DHX16: variants seen among roughly 807,000 people sequenced by gnomAD.
DHX16 encodes the protein DEAH-box helicase 16.
Under a neutral mutation model 131.2 loss-of-function variants are expected in DHX16, and 81 were observed. That is an observed-to-expected ratio of 0.62 (90% CI 0.52 to 0.74). The LOEUF (loss-of-function observed/expected upper bound fraction) is 0.74. DHX16 is among the 30% of genes least tolerant of loss of function. The pLI, the probability that DHX16 is intolerant of heterozygous loss-of-function variation, is 0.00. For missense variants in DHX16, 980 were observed against 1,363.1 expected (o/e 0.72, Z 4.43); for synonymous variants, 440 against 520.2 (o/e 0.85, Z 2.10).
chr6:30,670,909 A>C lies in DHX16; in HGVS notation c.490T>G (p.Trp164Gly), dbSNP rs772822396. The C allele has an allele frequency of 6.2e-7, 1 of 1,612,354 alleles. No individual in the cohort carries two copies. The highest frequency in any genetic ancestry group is 1.1e-5 in the South Asian group (1 of 91,046). Residue 164 changes from tryptophan to glycine, a missense_variant, in exon 3 of 20, where the codon TGG becomes GGG. Trp to Gly is a radical substitution (Grantham distance 184, BLOSUM62 -2). Coordinates refer to ENST00000376442, the MANE Select transcript of DHX16 (RefSeq NM_003587.5). The surrounding 1 kb of genome is among the most constrained non-coding windows in gnomAD (Gnocchi z 4.4). ...AGGCGTTCACGCTCTGTCCGTTCCC[A>C]CTCATCTTCCGACTCTGGCTTCTCT... is the stretch of plus-strand genomic sequence containing the variant. Reference protein sequence around the residue: ...QTEKPESEDEWERTERERLQD... With the variant: ...QTEKPESEDEGERTERERLQD...
At chr6:30,672,048 C>G (rs1406953502) in intron 1 of DHX16, among the ~76,000 whole-genome samples, 2 of 151,838 alleles carry the variant, frequency 1.3e-5, no homozygotes, top group African/African-American at 4.8e-5. Flanking sequence ...TGGTGGCTCA[C>G]GCCTGTAATC....
At position 30,671,294 on chromosome 6, in the gene DHX16, T is replaced by A. The variant is rs773411521; in HGVS notation, c.208-20A>T. 1 of 1,608,764 alleles carries A rather than the reference T, an allele frequency of 6.2e-7. No individual in the cohort carries two copies. The highest frequency in any genetic ancestry group is 2.2e-5 in the East Asian group (1 of 44,870). ...TGGTACCTGTCAGTAGAGGGGAAGA[T>A]AAGGAGGTCTGAGCAACTCCTGATC... On this transcript the variant is annotated intron_variant, in intron 1 of 19. Coordinates refer to ENST00000376442, the MANE Select transcript of DHX16 (RefSeq NM_003587.5).
chr6:30,660,043 A>C lies in DHX16; in HGVS notation c.1744T>G (p.Phe582Val). Residue 582 changes from phenylalanine (F) to valine (V), a missense_variant, in exon 10 of 20, where the codon TTC becomes GTC. This residue lies in a region of DHX16 where 309 missense variants were observed against 537.1 expected (regional missense o/e 0.58). Coordinates refer to ENST00000376442, the MANE Select transcript of DHX16 (RefSeq NM_003587.5). ...CCCTGAGGGGGCACCTTGGTGTAGA[A>C]GATGTCCACAGGAAACCTGCGTCCG... ...IPGRRFPVDI[F>V]YTKAPEADYL... 1 of 1,612,698 alleles carries C rather than the reference A, an allele frequency of 6.2e-7. No homozygotes were observed. Among genetic ancestry groups the C allele is most frequent in the Non-Finnish European group, 8.5e-7 (1 of 1,179,772 alleles).
rs761973470 is a variant in DHX16 at position 30,662,794 on chromosome 6, G to C, written c.1429-52C>G. On this transcript the variant is annotated intron_variant, in intron 8 of 19. Coordinates refer to ENST00000376442, the MANE Select transcript of DHX16 (RefSeq NM_003587.5). The surrounding 1 kb of genome is among the most constrained non-coding windows in gnomAD (Gnocchi z 4.7). Reference sequence around the variant, plus strand: ...AGTGTGGGCTGGTGTGCCCTGAAAGGAACTTGGGGAAAGGTGAAGTGGGGC... The same window carrying C: ...AGTGTGGGCTGGTGTGCCCTGAAAGCAACTTGGGGAAAGGTGAAGTGGGGC... The C allele has an allele frequency of 2.5e-6, 4 of 1,583,798 alleles. No individual in the cohort carries two copies. Among genetic ancestry groups the C allele is most frequent in the Non-Finnish European group, 3.5e-6 (4 of 1,155,270 alleles).
chr6:30,665,269 G>C lies in DHX16; in HGVS notation c.927C>G (p.Ala309=), dbSNP rs765371302. Residue 309 remains alanine, a synonymous_variant, in exon 6 of 20, where the codon GCC becomes GCG. Transcript: ENST00000376442. This position sits in a 1 kb window ranked among gnomAD's most constrained non-coding sequence, Gnocchi z 4.8. ...HMPKETRGQP[A]RAVDLVEEES... ...CCTCCTCCACTAGATCCACAGCTCG[G>C]GCTGGCTACAGAGAGAGGGGATATG... 1.9e-6 allele frequency: 3 copies of C among 1,602,480 alleles called. No individual in the cohort carries two copies. Among genetic ancestry groups the C allele is most frequent in the Non-Finnish European group, 2.5e-6 (3 of 1,179,588 alleles).
At chr6:30,661,826 T>A (rs747197225) in intron 9 of DHX16, 1 of 717,856 alleles carries the variant, frequency 1.4e-6, no homozygotes, top group Non-Finnish European at 2.6e-6. Context: ...AACATCTGCA[T>A]CAGACACTCT....
Position 30,656,914 on chromosome 6 carries a change from A to C in DHX16, c.2148+38T>G, listed in dbSNP as rs763314567. On this transcript the variant is annotated intron_variant, in intron 13 of 19. Coordinates refer to ENST00000376442, the MANE Select transcript of DHX16 (RefSeq NM_003587.5). This position sits in a 1 kb window ranked among gnomAD's most constrained non-coding sequence, Gnocchi z 5.1. ...TGAGTTGGACCTTCTCTGTGGGCCA[A>C]CTCCACCTCCCCCACTCCCATGCAT... is the stretch of plus-strand genomic sequence containing the variant. 11 of 1,596,230 alleles carry C rather than the reference A, an allele frequency of 6.9e-6. No individual in the cohort carries two copies. Among genetic ancestry groups the C allele is most frequent in the African/African-American group, 1.3e-5 (1 of 74,100 alleles).
At chr6:30,672,607 C>CT (rs1562005056) in intron 1 of DHX16, 28 bp downstream of exon 1, 1 of 1,587,586 alleles carries the variant, frequency 6.3e-7, no homozygotes. Flanking sequence ...GGACAAATCA[C>CT]AGGGCCCCTC....
At chr6:30,669,744 T>TAAAAAAAAAAAA (rs953317689) in intron 4 of DHX16, among the ~76,000 whole-genome samples, 2 of 113,818 alleles carry the variant, frequency 1.8e-5, no homozygotes, top group Non-Finnish European at 1.8e-5. Context: ...AAAAAAGGTT[T>TAAAAAAAAAAAA]AAAAAAAAAA....
rs930582953 is a variant in DHX16, at chr6:30,665,441, T to G, written c.921+38A>C. 1 of 1,597,458 alleles carries G rather than the reference T, an allele frequency of 6.3e-7. No individual in the cohort carries two copies. Among genetic ancestry groups the G allele is most frequent in the Non-Finnish European group, 8.5e-7 (1 of 1,170,314 alleles). Reference sequence around the variant, plus strand: ...CTGAAGCCTTCCCCACAACTTGTCTTGGGGACCAAGGCTGAAGCAGACGCC... The same window carrying G: ...CTGAAGCCTTCCCCACAACTTGTCTGGGGGACCAAGGCTGAAGCAGACGCC... On this transcript the variant is annotated intron_variant, in intron 5 of 19. Coordinates refer to ENST00000376442, the MANE Select transcript of DHX16 (RefSeq NM_003587.5). This position sits in a 1 kb window ranked among gnomAD's most constrained non-coding sequence, Gnocchi z 4.8.
Position 30,665,782 on chromosome 6 carries a change from C to A in DHX16, c.667-49G>T. The A allele has an allele frequency of 6.3e-7, 1 of 1,578,228 alleles. No individual in the cohort carries two copies. Among genetic ancestry groups the A allele is most frequent in the Non-Finnish European group, 8.6e-7 (1 of 1,167,532 alleles). ...ATCCTCATCTTGCTGGAGGAGCAAC[C>A]CCTTTCTCTACCAATCCCTACAAGG... On this transcript the variant is annotated intron_variant, in intron 4 of 19. Transcript: ENST00000376442. This position sits in a 1 kb window ranked among gnomAD's most constrained non-coding sequence, Gnocchi z 4.8.
Position 30,662,819 on chromosome 6 carries a change from C to T in DHX16, c.1429-77G>A. 1 of 1,552,890 alleles carries T rather than the reference C, an allele frequency of 6.4e-7. No individual in the cohort carries two copies. The highest frequency in any genetic ancestry group is 1.1e-5 in the South Asian group (1 of 89,638). On this transcript the variant is annotated intron_variant, in intron 8 of 19. Transcript: ENST00000376442. The surrounding 1 kb of genome is among the most constrained non-coding windows in gnomAD (Gnocchi z 4.7). ...GAACTTGGGGAAAGGTGAAGTGGGG[C>T]AGCACCAAGACTTCTGCTGTAGGGA...
At chr6:30,664,661 T>G in intron 7 of DHX16, 140 bp downstream of exon 7, 2 of 742,370 alleles carry the variant, frequency 2.7e-6, no homozygotes, top group Non-Finnish European at 2.1e-6. Flanking sequence ...AAGGGTATGG[T>G]CTTTACTCTC....
At chr6:30,654,291 G>C (rs892219917) in intron 19 of DHX16, among the ~76,000 whole-genome samples, 2 of 151,966 alleles carry the variant, frequency 1.3e-5, no homozygotes, top group East Asian at 3.9e-4. Flanking sequence ...CTTTGGGCTG[G>C]GCATGGTGGC....
Position 30,659,578 on chromosome 6 carries a change from C to T in DHX16, c.1901G>A (p.Arg634His), listed in dbSNP as rs758853504. 4 of 1,613,296 alleles carry T rather than the reference C, an allele frequency of 2.5e-6. No individual in the cohort carries two copies. Among genetic ancestry groups the T allele is most frequent in the Non-Finnish European group, 3.4e-6 (4 of 1,179,970 alleles). ...ACEMLQDRCR[R>H]LGSKIRELLV... ...GAGCTCCCGGATTTTGGAGCCCAGG[C>T]GGCGGCAGCGATCCTGGAGCATCTC... The change falls in exon 12 of 20, where the codon CGC (arginine) becomes CAC (histidine). Residue 634 changes from arginine to histidine, a missense_variant. By Grantham distance (29) the Arg-to-His change is conservative. Transcript: ENST00000376442.
In DHX16 at chr6:30,653,383, A is replaced by G. The variant is rs778801197; in HGVS notation, c.2998-13T>C. 6.9e-6 allele frequency: 11 copies of G among 1,592,142 alleles called. No homozygotes were observed. Among genetic ancestry groups the G allele is most frequent in the South Asian group, 2.3e-5 (2 of 86,842 alleles). ...CAATCTCCAGTACCTAGGAGAGAGAAAAGATCAATGGAGTTCCCTTCTTTC... is the reference window on the plus strand; with the variant it reads ...CAATCTCCAGTACCTAGGAGAGAGAGAAGATCAATGGAGTTCCCTTCTTTC... On this transcript the variant is annotated splice_polypyrimidine_tract_variant and intron_variant, in intron 19 of 19. Transcript: ENST00000376442.
At chr6:30,653,888 G>A (rs1188557442) in intron 19 of DHX16, among the ~76,000 whole-genome samples, 1 of 152,170 alleles carries the variant, frequency 6.6e-6, no homozygotes, top group African/African-American at 2.4e-5. Context: ...TTGGGAGGCC[G>A]TGGCAGGCGG....
Position 30,670,199 on chromosome 6 carries a change from T to C in DHX16, c.666+211A>G, listed in dbSNP as rs1769400350. 6.6e-6 allele frequency among the ~76,000 whole-genome samples: 1 copy of C among 152,084 alleles called. No individual in the cohort carries two copies. The highest frequency in any genetic ancestry group is 2.4e-5 in the African/African-American group (1 of 41,398). ...AGTCAAGGAGGACTTATGGGTAGCC[T>C]CCTTCCCCCTACAACTTAAGAAGGA... On this transcript the variant is annotated intron_variant, in intron 4 of 19. Transcript: ENST00000376442. The surrounding 1 kb of genome is among the most constrained non-coding windows in gnomAD (Gnocchi z 4.4).
Position 30,671,280 on chromosome 6 carries a change from A to G in DHX16, c.208-6T>C, listed in dbSNP as rs762356966. 5 of 1,612,266 alleles carry G rather than the reference A, an allele frequency of 3.1e-6. No individual in the cohort carries two copies. Among genetic ancestry groups the G allele is most frequent in the Non-Finnish European group, 3.4e-6 (4 of 1,179,644 alleles). On this transcript the variant is annotated splice_polypyrimidine_tract_variant and splice_region_variant and intron_variant, in intron 1 of 19. Coordinates refer to ENST00000376442, the MANE Select transcript of DHX16 (RefSeq NM_003587.5). ...ACCACTGCCTTTCGTGGTACCTGTCAGTAGAGGGGAAGATAAGGAGGTCTG... is the reference window on the plus strand; with the variant it reads ...ACCACTGCCTTTCGTGGTACCTGTCGGTAGAGGGGAAGATAAGGAGGTCTG...
Sources: gnomAD v4.1 joint callset for allele counts (sites outside exome capture counted in the v4.1 genomes callset) on GRCh38, gnomAD v4.1.1 for gene constraint, gnomAD v4.1.1 regional missense constraint, Gnocchi (gnomAD v3.1) non-coding constraint, MANE v1.5 for transcripts, NCBI Gene and HGNC (gene_info 2026-07-23, HGNC 2026-07-21) for gene names.